The following CLNK variants were observed in gnomAD, a reference collection of about 807,000 sequenced individuals.
CLNK encodes the protein cytokine-dependent hematopoietic cell linker.
A neutral mutation model predicts 68.6 loss-of-function variants in CLNK; 74 were observed. The observed-to-expected ratio is 1.08, with a 90% CI of 0.89 to 1.31. The LOEUF (loss-of-function observed/expected upper bound fraction) is 1.31, where lower values mean the gene tolerates loss of function less well. CLNK is among the 50% of genes most tolerant of loss of function. CLNK has a pLI of 0.00. For synonymous variants in CLNK, 198 were observed against 172.2 expected (o/e 1.15, Z -1.17); for missense variants, 553 against 515.3 (o/e 1.07, Z -0.71).
chr4:10,547,880 C>T (rs1719299204), intron 8 of CLNK, among the ~76,000 whole-genome samples: 1 of 152,100 alleles, frequency 6.6e-6, no homozygotes. Context: ...ATTTTTTGAT[C>T]CATTCATCTG....
In CLNK at chr4:10,558,470, G is replaced by A. The variant is rs764631756; in HGVS notation, c.400-18C>T. The stretch of plus-strand genomic sequence containing the variant: ...TTGTCCACCTGTACAAGACAATGAG[G>A]CACCATTATCTCTTCAGTTGTGACT... On this transcript the variant is annotated intron_variant, in intron 7 of 18. Transcript: ENST00000226951. 4.3e-6 allele frequency: 7 copies of A among 1,611,342 alleles called. No individual in the cohort carries two copies. The Admixed American group carries it at 5.0e-5, about 12-fold the overall frequency.
intron 2 of CLNK, among the ~76,000 whole-genome samples, chr4:10,660,397 T>C (rs185343583): frequency 7.1e-4 from 108 of 152,332 alleles, no homozygotes; most frequent in African/African-American, 2.2e-3. Flanking sequence ...GAATGGATAG[T>C]TTTATTGGAA....
intron 2 of CLNK, among the ~76,000 whole-genome samples, chr4:10,658,703 G>T (rs1393195958): frequency 1.3e-5 from 2 of 152,204 alleles, no homozygotes; most frequent in Non-Finnish European, 2.9e-5. Context: ...AAGGCAGGAA[G>T]CAGAGCTGGC....
chr4:10,693,178 T>C, the CLNK span, among the ~76,000 whole-genome samples: 1 of 152,314 alleles, frequency 6.6e-6, no homozygotes, highest in South Asian at 2.1e-4. Flanking sequence ...GTAAAAGGGA[T>C]TCTTAGGTGT....
chr4:10,531,163 A>T (rs1718521511), intron 12 of CLNK, among the ~76,000 whole-genome samples: 1 of 152,212 alleles, frequency 6.6e-6, no homozygotes, highest in Non-Finnish European at 1.5e-5. Context: ...CTTAGAGTCC[A>T]GTGGGAGTGA....
the CLNK span, among the ~76,000 whole-genome samples, chr4:10,734,118 C>T: frequency 6.6e-6 from 1 of 152,050 alleles, no homozygotes; most frequent in African/African-American, 2.4e-5. Context: ...ATTTTTTTCC[C>T]TAGAACAACC....
the CLNK span, among the ~76,000 whole-genome samples, chr4:10,718,530 C>A: frequency 6.6e-6 from 1 of 151,114 alleles, no homozygotes; most frequent in African/African-American, 2.4e-5. Context: ...GTAAAGCCAG[C>A]ATTTTATATC....
At chr4:10,617,844 CT>C (rs1412456476) in intron 2 of CLNK, among the ~76,000 whole-genome samples, 3 of 152,180 alleles carry the variant, frequency 2.0e-5, no homozygotes, top group African/African-American at 4.8e-5. Flanking sequence ...GCTTTGTTTG[CT>C]TTTGTTTTTG....
chr4:10,514,615 G>T (rs1454842027), intron 15 of CLNK, among the ~76,000 whole-genome samples: 4 of 150,690 alleles, frequency 2.7e-5, no homozygotes, highest in African/African-American at 7.4e-5. Flanking sequence ...ATGGATTAAA[G>T]ATTTAAACGT....
chr4:10,530,145 G>A (rs969994575), intron 12 of CLNK, among the ~76,000 whole-genome samples: 3 of 151,910 alleles, frequency 2.0e-5, no homozygotes, highest in Non-Finnish European at 4.4e-5. Flanking sequence ...GAGACACGGC[G>A]GTGGGGAAGA....
At chr4:10,509,725 CG>C (rs1321818645) in intron 16 of CLNK, among the ~76,000 whole-genome samples, 1 of 152,078 alleles carries the variant, frequency 6.6e-6, no homozygotes, top group Non-Finnish European at 1.5e-5. Flanking sequence ...AGGGTTTCAC[CG>C]TGTTGCTCAG....
chr4:10,640,321 C>T (rs942198498), intron 2 of CLNK, among the ~76,000 whole-genome samples: 11 of 152,180 alleles, frequency 7.2e-5, no homozygotes, highest in African/African-American at 1.9e-4. Context: ...TGCACCAGCA[C>T]GCCCAACTAA....
intron 3 of CLNK, among the ~76,000 whole-genome samples, chr4:10,595,259 T>G (rs1030491308): frequency 1.3e-5 from 2 of 152,200 alleles, no homozygotes; most frequent in Non-Finnish European, 2.9e-5. Context: ...TACGAATGCC[T>G]ACTTCAAAGC....
chr4:10,624,719 G>T (rs558774432), intron 2 of CLNK, among the ~76,000 whole-genome samples: 1 of 151,242 alleles, frequency 6.6e-6, no homozygotes, highest in Admixed American at 6.6e-5. Context: ...AAACTCAAGA[G>T]AGTTTGAGCT....
chr4:10,608,033 TC>T (rs1278320801), intron 2 of CLNK, among the ~76,000 whole-genome samples: 1 of 151,732 alleles, frequency 6.6e-6, no homozygotes, highest in Non-Finnish European at 1.5e-5. Context: ...AGTAGAAGAG[TC>T]CCAAAAAATC....
In CLNK at chr4:10,490,382, G is replaced by C; in HGVS notation, c.*85C>G. On this transcript the variant is annotated 3_prime_UTR_variant, in exon 19 of 19. Coordinates refer to ENST00000226951, the MANE Select transcript of CLNK (RefSeq NM_052964.4). ...TCCAAAGTTAAAAAAGTTGTCCCTT[G>C]AAGGCACAGAAAATAAACTTTTGAA... 4 of 1,430,532 alleles carry C rather than the reference G, an allele frequency of 2.8e-6. No homozygotes were observed. Among genetic ancestry groups the C allele is most frequent in the East Asian group, 2.4e-5 (1 of 41,522 alleles). 88.6% of individuals were successfully genotyped at this position (1,430,532 alleles called of 1,614,324 possible).
At chr4:10,671,431 A>C (rs1724633006) in intron 1 of CLNK, among the ~76,000 whole-genome samples, 1 of 152,112 alleles carries the variant, frequency 6.6e-6, no homozygotes, top group Non-Finnish European at 1.5e-5. Context: ...GGCAACCCTT[A>C]CCAGAGACTG....
chr4:10,599,270 G>A (rs1721498385), intron 2 of CLNK, among the ~76,000 whole-genome samples: 1 of 152,130 alleles, frequency 6.6e-6, no homozygotes, highest in Admixed American at 6.6e-5. Context: ...AGAACTCCAG[G>A]AAATACTTTA....
chr4:10,503,772 CTTTTTTT>C lies in CLNK; in HGVS notation c.985-2368_985-2362del, dbSNP rs869102696. ...TTACACACATTGTTTCATTTAGAGA[CTTTTTTT>C]TTTTTTTTTTTTTTTTTTTTTGAGA... is the stretch of plus-strand genomic sequence containing the variant. On this transcript the variant is annotated intron_variant, in intron 17 of 18. Transcript: ENST00000226951. 4.7e-5 allele frequency among the ~76,000 whole-genome samples: 3 copies of C among 63,332 alleles called. No homozygotes were observed. The East Asian group carries it at 1.9e-3, about 39-fold the overall frequency. The allele number at this position is 63,332 out of a possible 152,430, so 41.5% of individuals were successfully genotyped here.
Sources: gnomAD v4.1 joint callset for allele counts (sites outside exome capture counted in the v4.1 genomes callset) on GRCh38, gnomAD v4.1.1 for gene constraint, MANE v1.5 for transcripts, NCBI Gene and HGNC (gene_info 2026-07-23, HGNC 2026-07-21) for gene names.